The following TMEM132B variants were observed in gnomAD, a reference collection of about 807,000 sequenced individuals.
TMEM132B encodes transmembrane protein 132B.
Under a neutral mutation model 90.8 loss-of-function variants are expected in TMEM132B, and 18 were observed. That is an observed-to-expected ratio of 0.20 (90% CI 0.14 to 0.29). The LOEUF (loss-of-function observed/expected upper bound fraction) is 0.29, where lower values mean the gene tolerates loss of function less well. Ranked by LOEUF, TMEM132B falls within the 10% of genes least tolerant of loss-of-function variation. The pLI, the probability that TMEM132B is intolerant of heterozygous loss-of-function variation, is 1.00. For synonymous variants in TMEM132B, 504 were observed against 523.3 expected, an observed-to-expected ratio of 0.96 and a Z score of 0.50; for missense variants, 1,096 against 1,326.8, an observed-to-expected ratio of 0.83 and a Z score of 2.70.
At chr12:125,622,704 C>T in intron 5 of TMEM132B, 1 of 979,322 alleles carries the variant, frequency 1.0e-6, no homozygotes, top group Non-Finnish European at 1.2e-6. Context: ...TCAGCTTGGG[C>T]CTTTCCAGAA....
intron 1 of TMEM132B, among the ~76,000 whole-genome samples, chr12:125,324,037 A>G (rs1876496330): frequency 6.6e-6 from 1 of 152,132 alleles, no homozygotes; most frequent in African/African-American, 2.4e-5. Flanking sequence ...ACATACACAC[A>G]CACAACGGGG....
chr12:125,367,508 A>G (rs914578842), intron 2 of TMEM132B, among the ~76,000 whole-genome samples: 1 of 152,118 alleles, frequency 6.6e-6, no homozygotes, highest in Non-Finnish European at 1.5e-5. Context: ...TTTCTCTTCC[A>G]TGACTCTCTC....
In TMEM132B at chr12:125,602,169, A is replaced by G. The variant is rs568407774; in HGVS notation, c.1437+18175A>G. ...GGCAGAGACACAACAATAAAAGAAA[A>G]TTTCAGGCTAATATCCCTGATGAAC... is the stretch of plus-strand genomic sequence containing the variant. On this transcript the variant is annotated intron_variant, in intron 5 of 8. Transcript: ENST00000682704. Among the ~76,000 whole-genome samples the G allele has an allele frequency of 2.5e-3, 383 of 152,342 alleles. 1 individual carries two copies. The highest frequency in any genetic ancestry group is 4.4e-3 in the Non-Finnish European group (298 of 68,044).
At chr12:125,652,785 G>T (rs146930367) in intron 8 of TMEM132B, among the ~76,000 whole-genome samples, 153 bp downstream of exon 8, 10 of 152,342 alleles carry the variant, frequency 6.6e-5, no homozygotes, top group African/African-American at 2.2e-4. Context: ...CTGTCTCTGA[G>T]AAAAGTATTC....
chr12:125,224,366 T>C (rs1372660577), intron 1 of TMEM132B, among the ~76,000 whole-genome samples: 1 of 152,248 alleles, frequency 6.6e-6, no homozygotes, highest in Non-Finnish European at 1.5e-5. Flanking sequence ...GTTAAAGTCA[T>C]GTCTTTTTTA....
At chr12:125,272,437 G>A (rs1464737700) in intron 1 of TMEM132B, among the ~76,000 whole-genome samples, 1 of 152,066 alleles carries the variant, frequency 6.6e-6, no homozygotes, top group East Asian at 1.9e-4. Context: ...CTCCCTCTTC[G>A]GTCCAGCGAT....
At chr12:125,389,372 C>G (rs1878943247) in intron 2 of TMEM132B, among the ~76,000 whole-genome samples, 1 of 144,596 alleles carries the variant, frequency 6.9e-6, no homozygotes, top group Non-Finnish European at 1.5e-5. Flanking sequence ...CCTTCCCTTC[C>G]TTTTCATCCT....
intron 1 of TMEM132B, among the ~76,000 whole-genome samples, chr12:125,188,852 CAA>C (rs72059024): frequency 1.8e-4 from 16 of 91,208 alleles, no homozygotes; most frequent in African/African-American, 6.6e-4. Context: ...GGAGGGATGG[CAA>C]AAAAAAAAAA....
chr12:125,397,290 G>A (rs768565125), intron 2 of TMEM132B, among the ~76,000 whole-genome samples: 3 of 152,048 alleles, frequency 2.0e-5, no homozygotes, highest in Non-Finnish European at 2.9e-5. Context: ...GTGTCTCTTC[G>A]GACTGCCTGT....
At chr12:125,525,656 CAGA>C (rs1409559084) in intron 4 of TMEM132B, among the ~76,000 whole-genome samples, 16 of 152,286 alleles carry the variant, frequency 1.1e-4, no homozygotes, top group African/African-American at 2.6e-4. Context: ...TGTAGCTGGA[CAGA>C]AGAAGAAGGA....
At chr12:125,322,026 G>A (rs796550101) in intron 1 of TMEM132B, among the ~76,000 whole-genome samples, 24 of 152,262 alleles carry the variant, frequency 1.6e-4, no homozygotes, top group African/African-American at 4.3e-4. Flanking sequence ...ATTATTATGC[G>A]AAATAAAAGA....
intron 2 of TMEM132B, among the ~76,000 whole-genome samples, chr12:125,414,489 C>A (rs990819237): frequency 6.6e-6 from 1 of 152,112 alleles, no homozygotes; most frequent in African/African-American, 2.4e-5. Context: ...TTTGATATCC[C>A]TTTTTTGTTC....
chr12:125,394,156 C>G lies in TMEM132B; in HGVS notation c.960-21375C>G, dbSNP rs182094837. Reference sequence around the variant, plus strand: ...CCCACTAAGTGCTTAAAATTCAGTTCTCAGAGGACATCAGTGAGGTGGCTA... The same window carrying G: ...CCCACTAAGTGCTTAAAATTCAGTTGTCAGAGGACATCAGTGAGGTGGCTA... On this transcript the variant is annotated intron_variant, in intron 2 of 8. Transcript: ENST00000682704. Among the ~76,000 whole-genome samples, 4 of 152,318 alleles carry G rather than the reference C, an allele frequency of 2.6e-5. No individual in the cohort carries two copies. In the East Asian group the frequency reaches 7.7e-4, roughly 29 times the overall value.
intron 4 of TMEM132B, among the ~76,000 whole-genome samples, chr12:125,572,534 A>G (rs527941350): frequency 6.6e-6 from 1 of 152,350 alleles, no homozygotes; most frequent in Admixed American, 6.5e-5. Context: ...TTTGTTCTTT[A>G]TAAATTACCC....
At position 125,492,796 on chromosome 12, in the gene TMEM132B, A is replaced by G. The variant is rs903614020; in HGVS notation, c.1107-26643A>G. On this transcript the variant is annotated intron_variant, in intron 3 of 8. Coordinates refer to ENST00000682704, the MANE Select transcript of TMEM132B (RefSeq NM_001366854.1). The surrounding 1 kb of genome is among the most constrained non-coding windows in gnomAD (Gnocchi z 5.8). ...CGCCCGCAGATCTCACTTGGCTCCA[A>G]AATGGGCTGGGCCCTGTGTCAGGCT... Among the ~76,000 whole-genome samples, 6 of 152,206 alleles carry G rather than the reference A, an allele frequency of 3.9e-5. No homozygotes were observed. Among genetic ancestry groups the G allele is most frequent in the African/African-American group, 1.4e-4 (6 of 41,450 alleles).
At chr12:125,438,970 T>C (rs1880783490) in intron 3 of TMEM132B, among the ~76,000 whole-genome samples, 1 of 152,220 alleles carries the variant, frequency 6.6e-6, no homozygotes, top group African/African-American at 2.4e-5. Flanking sequence ...CATTCTTCTG[T>C]TGAGTAACAT....
intron 5 of TMEM132B, among the ~76,000 whole-genome samples, chr12:125,590,230 C>T (rs1885285583): frequency 6.6e-6 from 1 of 152,140 alleles, no homozygotes; most frequent in Non-Finnish European, 1.5e-5. Context: ...TTCCTTATTG[C>T]AATGCAAGAA....
At chr12:125,595,321 C>T (rs1885415279) in intron 5 of TMEM132B, among the ~76,000 whole-genome samples, 1 of 152,120 alleles carries the variant, frequency 6.6e-6, no homozygotes, top group African/African-American at 2.4e-5. Flanking sequence ...CTTATTGGTG[C>T]CAGCAATTAA....
intron 1 of TMEM132B, among the ~76,000 whole-genome samples, chr12:125,272,435 T>G (rs1874864174): frequency 6.6e-6 from 1 of 152,142 alleles, no homozygotes; most frequent in Non-Finnish European, 1.5e-5. Flanking sequence ...AACTCCCTCT[T>G]CGGTCCAGCG....
Sources: allele counts gnomAD v4.1 joint callset (sites outside exome capture counted in the v4.1 genomes callset), GRCh38; gene constraint gnomAD v4.1.1; non-coding constraint Gnocchi (gnomAD v3.1); transcripts MANE v1.5; gene names NCBI Gene and HGNC (gene_info 2026-07-23, HGNC 2026-07-21).